SDK1: variants seen among roughly 807,000 people sequenced by gnomAD.
SDK1 encodes the protein protein sidekick-1.
A neutral mutation model predicts 245.5 loss-of-function variants in SDK1; 157 were observed. That is an observed-to-expected ratio of 0.64 (90% confidence interval 0.56 to 0.73). The LOEUF is 0.73. Among genes scored for constraint, SDK1 ranks in the 30% least tolerant of loss-of-function variants. The pLI is 0.00. For missense variants in SDK1, 3,583 were observed against 3,002.3 expected (o/e 1.19, Z -4.52); for synonymous variants, 1,647 against 1,278.5 (o/e 1.29, Z -6.15).
At chr7:3,325,454 T>G (rs1413957313) in intron 1 of SDK1, among the ~76,000 whole-genome samples, 1 of 152,150 alleles carries the variant, frequency 6.6e-6, no homozygotes, top group Non-Finnish European at 1.5e-5. Flanking sequence ...GAGAGAAACA[T>G]AGATATACTT....
chr7:4,058,629 C>T (rs886614279), intron 19 of SDK1, among the ~76,000 whole-genome samples: 1 of 152,072 alleles, frequency 6.6e-6, no homozygotes, highest in South Asian at 2.1e-4. Context: ...TAAGAGAACC[C>T]CCATCAGACT....
intron 8 of SDK1, 85 bp from the exon 9 acceptor site, chr7:3,962,572 G>C (rs3801066): frequency 0.33 from 378,035 of 1,158,120 alleles, 68,470 homozygotes; most frequent in African/African-American, 0.71. Flanking sequence ...TAAAATATTG[G>C]CATTCTAGCC....
intron 22 of SDK1, among the ~76,000 whole-genome samples, chr7:4,101,398 T>C (rs983156518): frequency 4.9e-4 from 75 of 152,162 alleles, no homozygotes; most frequent in African/African-American, 1.7e-3. Flanking sequence ...CCACCCGCCT[T>C]GGCCTCCCAA....
At position 4,198,703 on chromosome 7, in the gene SDK1, C is replaced by T. The variant is rs560699298; in HGVS notation, c.5099-7176C>T. 4.1e-4 allele frequency among the ~76,000 whole-genome samples: 62 copies of T among 152,276 alleles called. 2 individuals carry two copies. The highest frequency in any genetic ancestry group is 1.5e-3 in the African/African-American group (61 of 41,544). On this transcript the variant is annotated intron_variant, in intron 35 of 44. Coordinates refer to ENST00000404826, the MANE Select transcript of SDK1 (RefSeq NM_152744.4). ...TTGTGCGACTCCCACCTTAGAGAAG[C>T]AGCTTGGACCTTAGGGTTAGGCAGA...
chr7:3,738,484 C>G (rs7807725), intron 4 of SDK1, among the ~76,000 whole-genome samples: 1,565 of 152,288 alleles, frequency 0.01, 24 homozygotes, highest in African/African-American at 0.036. Flanking sequence ...AAGTGTGGGA[C>G]TTCCTATCTT....
chr7:3,774,562 C>A (rs1780496136), intron 4 of SDK1, among the ~76,000 whole-genome samples: 1 of 152,198 alleles, frequency 6.6e-6, no homozygotes, highest in Non-Finnish European at 1.5e-5. Flanking sequence ...TCCAAGCCTT[C>A]TTCTGGAAGT....
chr7:3,991,029 G>A (rs896625599), intron 14 of SDK1, among the ~76,000 whole-genome samples: 2 of 152,226 alleles, frequency 1.3e-5, no homozygotes, highest in African/African-American at 4.8e-5. Context: ...GACGTGATCA[G>A]TGTCCACTGC....
intron 17 of SDK1, among the ~76,000 whole-genome samples, chr7:4,029,551 T>G (rs577142858): frequency 6.6e-6 from 1 of 152,166 alleles, no homozygotes; most frequent in South Asian, 2.1e-4. Context: ...CATTCATTCA[T>G]TCAGTAAGCA....
At chr7:3,531,027 T>C (rs1288266977) in intron 1 of SDK1, among the ~76,000 whole-genome samples, 2 of 152,218 alleles carry the variant, frequency 1.3e-5, no homozygotes, top group Non-Finnish European at 2.9e-5. Flanking sequence ...TATTAGAATA[T>C]TCTGTCACTA....
chr7:3,670,578 G>A (rs1417624336), intron 4 of SDK1, among the ~76,000 whole-genome samples: 1 of 152,202 alleles, frequency 6.6e-6, no homozygotes, highest in East Asian at 1.9e-4. Context: ...TGAAACGTGT[G>A]CGGTGGTAGC....
intron 28 of SDK1, among the ~76,000 whole-genome samples, chr7:4,141,293 C>G (rs992235268): frequency 1.3e-5 from 2 of 152,216 alleles, no homozygotes; most frequent in Non-Finnish European, 2.9e-5. Context: ...AAGCAAACCT[C>G]AGACAGCTTG....
chr7:3,679,166 C>G (rs914147815), intron 4 of SDK1, among the ~76,000 whole-genome samples: 3 of 152,304 alleles, frequency 2.0e-5, no homozygotes, highest in Non-Finnish European at 2.9e-5. Context: ...AAAAAACAGG[C>G]TGCAAACTAG....
intron 1 of SDK1, among the ~76,000 whole-genome samples, chr7:3,316,164 T>C (rs1365893098): frequency 1.3e-5 from 2 of 152,174 alleles, no homozygotes; most frequent in African/African-American, 2.4e-5. Flanking sequence ...TAAATATACA[T>C]AAATTTTGTA....
chr7:3,466,880 G>A (rs573064167), intron 1 of SDK1, among the ~76,000 whole-genome samples: 1 of 151,476 alleles, frequency 6.6e-6, no homozygotes, highest in Non-Finnish European at 1.5e-5. Context: ...ATGACTGGAG[G>A]CATTGATTTT....
intron 1 of SDK1, among the ~76,000 whole-genome samples, chr7:3,470,135 G>T (rs1260106509): frequency 6.6e-6 from 1 of 152,146 alleles, no homozygotes; most frequent in South Asian, 2.1e-4. Context: ...ATCACAGGAA[G>T]AATTTTCAGC....
chr7:3,577,356 C>G (rs991946368), intron 1 of SDK1, among the ~76,000 whole-genome samples: 1 of 152,038 alleles, frequency 6.6e-6, no homozygotes. Flanking sequence ...GGTATCCAGG[C>G]CAAGGTTTTA....
intron 4 of SDK1, 99 bp downstream of exon 4, chr7:3,642,204 T>TA: frequency 8.6e-7 from 1 of 1,158,174 alleles, no homozygotes; most frequent in Middle Eastern, 2.1e-4. Flanking sequence ...ACCGATGATT[T>TA]AAAAAGAGCA....
At chr7:3,577,763 A>G (rs994192951) in intron 1 of SDK1, among the ~76,000 whole-genome samples, 3 of 152,082 alleles carry the variant, frequency 2.0e-5, no homozygotes, top group Non-Finnish European at 4.4e-5. Flanking sequence ...ACTGGCTTGC[A>G]TTCAGCTTTT....
rs1397270316 is a variant in SDK1, at chr7:3,661,284, T to C, written c.713+19179T>C. Among the ~76,000 whole-genome samples, 7 of 152,368 alleles carry C rather than the reference T, an allele frequency of 4.6e-5. No individual in the cohort carries two copies. In the East Asian group the frequency reaches 1.2e-3, roughly 25 times the overall value. On this transcript the variant is annotated intron_variant, in intron 4 of 44. Coordinates refer to ENST00000404826, the MANE Select transcript of SDK1 (RefSeq NM_152744.4). ...ACCATGGTTTGGTTTGAATCTGCTA[T>C]GTATGGATTAACATTGCTGGATTAA...
Sources: gnomAD v4.1 joint callset for allele counts (sites outside exome capture counted in the v4.1 genomes callset) on GRCh38, gnomAD v4.1.1 for gene constraint, MANE v1.5 for transcripts, NCBI Gene and HGNC (gene_info 2026-07-23, HGNC 2026-07-21) for gene names.